Variants in SLC5A6 observed in about 807,000 individuals in gnomAD.
The protein encoded by SLC5A6 is solute carrier family 5 member 6, also known as sodium-dependent multivitamin transporter.
A neutral mutation model predicts 67.9 loss-of-function variants in SLC5A6; 31 were observed. The ratio of observed to expected loss-of-function variants is 0.46; its 90% CI spans 0.34 to 0.62. SLC5A6 has a LOEUF of 0.62. Ranked by LOEUF, SLC5A6 falls within the 20% of genes least tolerant of loss-of-function variation. The pLI is 0.01. For synonymous variants in SLC5A6, 343 were observed against 331.0 expected (o/e 1.04, Z -0.39); for missense variants, 673 against 812.8 (o/e 0.83, Z 2.09).
rs547947917 is a variant in SLC5A6, at chr2:27,211,787, G to A, written c.-208+233C>T. 2.1e-5 allele frequency: 4 copies of A among 190,224 alleles called. No homozygotes were observed. The South Asian group carries it at 4.6e-4, about 22-fold the overall frequency. 11.8% of individuals were successfully genotyped at this position (190,224 alleles called of 1,614,324 possible). Reference sequence around the variant, plus strand: ...CTTACCGCTCGCACTTAAGATCTCAGACCCACGCCGGAGGCCGGCTCGCTC... The same window carrying A: ...CTTACCGCTCGCACTTAAGATCTCAAACCCACGCCGGAGGCCGGCTCGCTC... On this transcript the variant is annotated intron_variant, in intron 1 of 16. Coordinates refer to ENST00000310574, the MANE Select transcript of SLC5A6 (RefSeq NM_021095.4).
rs60243928 is a variant in SLC5A6, at chr2:27,202,796, C to T, written c.1275+17G>A. 2.2e-3 allele frequency: 3,498 copies of T among 1,609,338 alleles called. 71 individuals are homozygous for T. The African/African-American group carries it at 0.042, about 19-fold the overall frequency. ...TTCTCTCCCTTAAAATTGCTTCCTA[C>T]CCTCTATAGTTATTACCTGCAGCAC... On this transcript the variant is annotated intron_variant, in intron 12 of 16. Coordinates refer to ENST00000310574, the MANE Select transcript of SLC5A6 (RefSeq NM_021095.4).
chr2:27,204,065 G>C (rs1346300434), intron 9 of SLC5A6, among the ~76,000 whole-genome samples, 198 bp from the exon 10 acceptor site: 5 of 152,120 alleles, frequency 3.3e-5, no homozygotes, highest in African/African-American at 1.2e-4. Context: ...CTCTACAGAG[G>C]GAATGACACA....
chr2:27,205,474 C>T lies in SLC5A6; in HGVS notation c.610G>A (p.Val204Met). ...GGLKAVIWTD[V>M]FQTLVMFLGQ... ...AGGAACATGACCAGTGTCTGGAACA[C>T]ATCTGTCCAGATGACGGCCTTCAGC... Residue 204 changes from valine (V) to methionine (M), a missense_variant, in exon 7 of 17, where the codon GTG (valine) becomes ATG (methionine). Physicochemically the swap from Val to Met is conservative, Grantham distance 21. Coordinates refer to ENST00000310574, the MANE Select transcript of SLC5A6 (RefSeq NM_021095.4). The T allele has an allele frequency of 6.2e-7, 1 of 1,614,224 alleles. No homozygotes were observed. Among genetic ancestry groups the T allele is most frequent in the Non-Finnish European group, 8.5e-7 (1 of 1,180,028 alleles).
At position 27,201,716 on chromosome 2, in the gene SLC5A6, A is replaced by G. The variant is rs779884335; in HGVS notation, c.1494T>C (p.Asn498=). The change falls in exon 14 of 17, where the codon AAT becomes AAC. Residue 498 remains asparagine, a synonymous_variant. Coordinates refer to ENST00000310574, the MANE Select transcript of SLC5A6 (RefSeq NM_021095.4). ...SNGSSFSLPT[N]LTVATVTTLM... ...GTGTGGTCACAGTGGCAACGGTTAG[A>G]TTGGTGGGCAGGGAGAAGCTGGACC... 9.9e-6 allele frequency: 16 copies of G among 1,614,146 alleles called. No homozygotes were observed. The highest frequency in any genetic ancestry group is 1.4e-5 in the Non-Finnish European group (16 of 1,179,974).
intron 12 of SLC5A6, 97 bp downstream of exon 12, chr2:27,202,716 C>G (rs897984952): frequency 1.0e-5 from 11 of 1,062,122 alleles, no homozygotes; most frequent in Middle Eastern, 4.0e-4. Context: ...GCCTGCCCCC[C>G]GGTCATTCCC....
rs765755953 is a variant in SLC5A6, at chr2:27,204,793, C to A, written c.873G>T (p.Val291=). The A allele has an allele frequency of 1.2e-6, 2 of 1,614,196 alleles. No individual in the cohort carries two copies. Among genetic ancestry groups the A allele is most frequent in the Non-Finnish European group, 8.5e-7 (1 of 1,180,016 alleles). ...TCCCTTCCTGTCCCTGCACTCACAG[C>A]ACAGCAGCCTTCTCCGTGCGGGAAC... ...YLSSRTEKAA[V]LSCYAVFPFQ... Residue 291 remains valine (V), a splice_region_variant and synonymous_variant, in exon 8 of 17, where the codon GTG becomes GTT. Transcript: ENST00000310574.
chr2:27,207,811 AGT>A lies in SLC5A6; in HGVS notation c.-140-23_-140-22del. ...GTGAGCTGCAAAGGAATTAGCTCTT[AGT>A]GAGGCCTATCTGGCCTTGGTAGCCA... is the stretch of plus-strand genomic sequence containing the variant. On this transcript the variant is annotated intron_variant, in intron 2 of 16. Coordinates refer to ENST00000310574, the MANE Select transcript of SLC5A6 (RefSeq NM_021095.4). The surrounding 1 kb of genome is among the most constrained non-coding windows in gnomAD (Gnocchi z 5.5). 1 of 670,530 alleles carries A rather than the reference AGT, an allele frequency of 1.5e-6. No individual in the cohort carries two copies. Among genetic ancestry groups the A allele is most frequent in the Non-Finnish European group, 2.5e-6 (1 of 399,434 alleles). 41.5% of individuals were successfully genotyped at this position (670,530 alleles called of 1,614,324 possible).
rs751714575 is a variant in SLC5A6, at chr2:27,206,474, AC to A, written c.511+8del. ...ACGGCTGAAAGCCAGGGGCTGTGTG[AC>A]TCCTCACCTGCATTGAGAGCCAATG... On this transcript the variant is annotated splice_region_variant and intron_variant, in intron 5 of 16. Coordinates refer to ENST00000310574, the MANE Select transcript of SLC5A6 (RefSeq NM_021095.4). 2 of 1,613,780 alleles carry A rather than the reference AC, an allele frequency of 1.2e-6. No homozygotes were observed. Among genetic ancestry groups the A allele is most frequent in the Non-Finnish European group, 1.7e-6 (2 of 1,179,746 alleles).
At chr2:27,211,927 A>G in intron 1 of SLC5A6, 93 bp downstream of exon 1, 1 of 384,700 alleles carries the variant, frequency 2.6e-6, no homozygotes, top group South Asian at 3.4e-5. Flanking sequence ...GTGGGTAGCC[A>G]GAGCCCGGCC....
intron 2 of SLC5A6, chr2:27,208,811 T>G (rs1216511115): frequency 6.6e-6 from 1 of 152,586 alleles, no homozygotes; most frequent in Non-Finnish European, 1.5e-5. Context: ...AAACTCCAAC[T>G]CAGCCCTAGA....
intron 4 of SLC5A6, 61 bp downstream of exon 4, chr2:27,206,816 A>G (rs1261926603): frequency 8.7e-6 from 11 of 1,266,170 alleles, no homozygotes; most frequent in Admixed American, 1.7e-5. Flanking sequence ...TTCCCTCAGC[A>G]TGCTTGCGTT....
Position 27,202,896 on chromosome 2 carries a change from A to G in SLC5A6, c.1208-16T>C, listed in dbSNP as rs778169721. The G allele has an allele frequency of 1.5e-5, 24 of 1,612,116 alleles. No homozygotes were observed. Among genetic ancestry groups the G allele is most frequent in the Non-Finnish European group, 1.9e-5 (22 of 1,179,534 alleles). On this transcript the variant is annotated splice_polypyrimidine_tract_variant and intron_variant, in intron 11 of 16. Transcript: ENST00000310574. Reference sequence around the variant, plus strand: ...TAGCCAAAGGCTGGGGGAAAAGGACAGGAGAGGAAACAAGAAGGTGTGAGT... The same window carrying G: ...TAGCCAAAGGCTGGGGGAAAAGGACGGGAGAGGAAACAAGAAGGTGTGAGT...
At chr2:27,210,429 C>CA (rs1033817316) in intron 2 of SLC5A6, among the ~76,000 whole-genome samples, 1 of 98,502 alleles carries the variant, frequency 1.0e-5, no homozygotes, top group African/African-American at 4.4e-5. Context: ...GATTGTGGGA[C>CA]CCCCCCCCCT....
rs747457154 is a variant in SLC5A6, at chr2:27,203,348, G to A, written c.1095-3C>T. ...AATTAAAAGCAGAGGATATAGTGCT[G>A]AAAAAGAGGAAGAGGATGAGGAGTT... is the stretch of plus-strand genomic sequence containing the variant. On this transcript the variant is annotated splice_polypyrimidine_tract_variant and splice_region_variant and intron_variant, in intron 10 of 16. Transcript: ENST00000310574. 6.2e-7 allele frequency: 1 copy of A among 1,613,864 alleles called. No individual in the cohort carries two copies. Among genetic ancestry groups the A allele is most frequent in the Non-Finnish European group, 8.5e-7 (1 of 1,179,896 alleles).
upstream of SLC5A6, chr2:27,212,380 C>A (rs1406219193): frequency 1.3e-6 from 2 of 1,550,442 alleles, no homozygotes; most frequent in African/African-American, 2.7e-5. Flanking sequence ...TGGCGCCTCA[C>A]GACCCGGGTA....
chr2:27,200,188 C>T lies in SLC5A6; in HGVS notation c.*248G>A. 2.4e-6 allele frequency: 1 copy of T among 413,382 alleles called. No individual in the cohort carries two copies. The highest frequency in any genetic ancestry group is 4.3e-6 in the Non-Finnish European group (1 of 232,128). The allele number at this position is 413,382 out of a possible 1,614,324, so 25.6% of individuals were successfully genotyped here. ...CTTCCATCCCTATTTCTGGCATGAT[C>T]CTGCTCCCTACGAGCCTGATCCTTT... On this transcript the variant is annotated 3_prime_UTR_variant, in exon 17 of 17. Transcript: ENST00000310574.
rs192164107 is a variant in SLC5A6, at chr2:27,203,914, C to A, written c.1006-47G>T. 24 of 1,425,308 alleles carry A rather than the reference C, an allele frequency of 1.7e-5. No individual in the cohort carries two copies. The East Asian group carries it at 5.5e-4, about 33-fold the overall frequency. 88.3% of individuals were successfully genotyped at this position (1,425,308 alleles called of 1,614,324 possible). A position where few individuals can be genotyped will look rare whatever the true frequency, so the allele number is the denominator to read the frequency against. ...ACAGCAGTCCTCAGAGAGGGGTCTT[C>A]CCAGGGCCGGCTCTGCAGGGAAGCT... is the stretch of plus-strand genomic sequence containing the variant. On this transcript the variant is annotated intron_variant, in intron 9 of 16. Coordinates refer to ENST00000310574, the MANE Select transcript of SLC5A6 (RefSeq NM_021095.4).
chr2:27,205,519 C>G lies in SLC5A6; in HGVS notation c.580-15G>C. 1 of 1,614,080 alleles carries G rather than the reference C, an allele frequency of 6.2e-7. No homozygotes were observed. Among genetic ancestry groups the G allele is most frequent in the Middle Eastern group, 1.6e-4 (1 of 6,062 alleles). ...TTCAGCCCACCCTGCAAGGAAAGCA[C>G]AGCAAACCTGCCACAGAGGCCTTCT... On this transcript the variant is annotated splice_polypyrimidine_tract_variant and intron_variant, in intron 6 of 16. Coordinates refer to ENST00000310574, the MANE Select transcript of SLC5A6 (RefSeq NM_021095.4).
intron 16 of SLC5A6, among the ~76,000 whole-genome samples, 149 bp downstream of exon 16, chr2:27,200,829 CAGTCCTGTGGGTAGAACCTG>C: frequency 6.6e-6 from 1 of 152,338 alleles, no homozygotes; most frequent in Non-Finnish European, 1.5e-5. Flanking sequence ...CAAGCCAGTG[CAGTCCTGTGGGTAGAACCTG>C]AGACAGCCGT....
Sources: gnomAD v4.1 joint callset for allele counts (sites outside exome capture counted in the v4.1 genomes callset) on GRCh38, gnomAD v4.1.1 for gene constraint, Gnocchi (gnomAD v3.1) non-coding constraint, MANE v1.5 for transcripts, NCBI Gene and HGNC (gene_info 2026-07-23, HGNC 2026-07-21) for gene names.